Variants in ANXA8 observed in about 807,000 individuals in gnomAD.
The protein encoded by ANXA8 is annexin A8.
ANXA8 carries 9 observed loss-of-function variants against 26.8 expected under a neutral mutation model. That is an observed-to-expected ratio of 0.34 (90% confidence interval 0.20 to 0.59). The LOEUF (loss-of-function observed/expected upper bound fraction) is 0.59, where lower values mean the gene tolerates loss of function less well. Among genes scored for constraint, ANXA8 ranks in the 20% least tolerant of loss-of-function variants. The probability of loss-of-function intolerance (pLI) is 0.84; values close to 1 mark genes in which losing one functional copy is unlikely to be tolerated. For missense variants in ANXA8, 83 were observed against 238.5 expected (o/e 0.35, Z 4.29); for synonymous variants, 39 against 94.8 (o/e 0.41, Z 3.42).
chr10:47,631,540 A>C, the ANXA8 span, among the ~76,000 whole-genome samples: 11 of 150,882 alleles, frequency 7.3e-5, no homozygotes. Flanking sequence ...ACAAAGCCAC[A>C]TGTGAGACTA....
chr10:47,558,229 T>C, the ANXA8 span, among the ~76,000 whole-genome samples: 1 of 151,956 alleles, frequency 6.6e-6, no homozygotes, highest in Non-Finnish European at 1.5e-5. Context: ...CCTCCAGCTT[T>C]ACTGAGATAG....
At chr10:47,696,659 G>A in the ANXA8 span, 8 of 441,744 alleles carry the variant, frequency 1.8e-5, no homozygotes, top group East Asian at 3.3e-4. Flanking sequence ...AATGAAAATA[G>A]AATTTTAAGA....
At chr10:47,741,926 C>A in the ANXA8 span, among the ~76,000 whole-genome samples, 2 of 109,518 alleles carry the variant, frequency 1.8e-5, no homozygotes, top group East Asian at 5.5e-4. Flanking sequence ...CCGCAACCTC[C>A]ACCTCTCAGG....
chr10:47,737,057 T>C, the ANXA8 span, among the ~76,000 whole-genome samples: 2 of 149,592 alleles, frequency 1.3e-5, no homozygotes, highest in Non-Finnish European at 3.0e-5. Flanking sequence ...ACCATTTTTA[T>C]GTGGGAGAAG....
chr10:47,939,374 T>C, the ANXA8 span, among the ~76,000 whole-genome samples: 2 of 142,640 alleles, frequency 1.4e-5, 1 homozygote, highest in Non-Finnish European at 3.0e-5. Flanking sequence ...CAATACTTGA[T>C]CTTTGCAGCT....
chr10:47,667,501 G>T, the ANXA8 span, among the ~76,000 whole-genome samples: 2 of 151,672 alleles, frequency 1.3e-5, no homozygotes, highest in Non-Finnish European at 2.9e-5. Context: ...TTTTTTTGTT[G>T]TTGTTTTTGT....
At chr10:47,973,913 G>C in the ANXA8 span, among the ~76,000 whole-genome samples, 64 of 151,156 alleles carry the variant, frequency 4.2e-4, 2 homozygotes, top group African/African-American at 1.4e-3. Context: ...TGTTGTTGTC[G>C]TTGGTAGGTT....
At chr10:47,519,523 C>G in the ANXA8 span, among the ~76,000 whole-genome samples, 4 of 108,606 alleles carry the variant, frequency 3.7e-5, no homozygotes, top group Non-Finnish European at 7.3e-5. Context: ...TCTCTTTCAC[C>G]GTGTGGAACC....
At chr10:47,592,884 A>G in the ANXA8 span, among the ~76,000 whole-genome samples, 1 of 146,006 alleles carries the variant, frequency 6.8e-6, no homozygotes, top group African/African-American at 2.7e-5. Context: ...TTTCCCAGGG[A>G]GTGTCCTGGC....
At chr10:47,583,857 C>G in the ANXA8 span, among the ~76,000 whole-genome samples, 4,106 of 139,320 alleles carry the variant, frequency 0.029, 103 homozygotes, top group Non-Finnish European at 0.038. Flanking sequence ...AGCCTGCAAG[C>G]AGAAGCCTTA....
At chr10:47,979,547 G>A in the ANXA8 span, among the ~76,000 whole-genome samples, 2 of 151,510 alleles carry the variant, frequency 1.3e-5, no homozygotes, top group Non-Finnish European at 3.0e-5. Flanking sequence ...GGATTGTTTG[G>A]GTGGGCCCAA....
the ANXA8 span, among the ~76,000 whole-genome samples, chr10:47,714,096 A>G: frequency 1.4e-5 from 1 of 71,578 alleles, no homozygotes; most frequent in South Asian, 6.3e-4. Flanking sequence ...ATAAAATCCC[A>G]AACAACTGGT....
the ANXA8 span, among the ~76,000 whole-genome samples, chr10:47,554,256 G>A: frequency 1.0e-3 from 139 of 137,324 alleles, 1 homozygote; most frequent in African/African-American, 3.8e-3. Flanking sequence ...GGAGGCAGAA[G>A]TTGTAGTGAG....
chr10:47,506,770 C>G, the ANXA8 span, among the ~76,000 whole-genome samples: 88 of 144,712 alleles, frequency 6.1e-4, no homozygotes, highest in Non-Finnish European at 9.9e-4. Context: ...CTCCAGAATA[C>G]GTGGGACTAC....
the ANXA8 span, among the ~76,000 whole-genome samples, chr10:47,626,742 GTTAA>G: frequency 6.7e-6 from 1 of 150,296 alleles, no homozygotes; most frequent in African/African-American, 2.5e-5. Context: ...CATTAATGTG[GTTAA>G]TTGTCTTATC....
the ANXA8 span, among the ~76,000 whole-genome samples, chr10:47,942,586 A>T: frequency 7.0e-6 from 1 of 142,298 alleles, no homozygotes; most frequent in African/African-American, 2.8e-5. Flanking sequence ...GATGAGAAAT[A>T]CACGTGTTTG....
chr10:47,744,780 G>A, the ANXA8 span, among the ~76,000 whole-genome samples: 1 of 151,794 alleles, frequency 6.6e-6, no homozygotes, highest in Non-Finnish European at 1.5e-5. Context: ...TGCTCTGCAG[G>A]TCACTCCTCC....
the ANXA8 span, among the ~76,000 whole-genome samples, chr10:47,700,255 C>A: frequency 1.3e-5 from 2 of 151,830 alleles, no homozygotes; most frequent in Non-Finnish European, 2.9e-5. Flanking sequence ...TTAAAACATA[C>A]TATAAAGCCT....
chr10:47,705,001 C>T, the ANXA8 span, among the ~76,000 whole-genome samples: 8 of 152,078 alleles, frequency 5.3e-5, no homozygotes, highest in Admixed American at 2.0e-4. Context: ...CGCAGTGGCT[C>T]ATGCCTGTAA....
Sources: allele counts gnomAD v4.1 joint callset (sites outside exome capture counted in the v4.1 genomes callset), GRCh38; gene constraint gnomAD v4.1.1; transcripts MANE v1.5; gene names NCBI Gene and HGNC (gene_info 2026-07-23, HGNC 2026-07-21).